TLN2: variants seen among roughly 807,000 people sequenced by gnomAD.
The protein encoded by TLN2 is talin-2.
A neutral mutation model predicts 294.7 loss-of-function variants in TLN2; 118 were observed. The observed-to-expected ratio is 0.40, with a 90% confidence interval of 0.34 to 0.47. The LOEUF is 0.47. TLN2 is among the 20% of genes least tolerant of loss of function. TLN2 has a pLI of 0.84. For missense variants in TLN2, 3,083 were observed against 3,282.2 expected (o/e 0.94, Z 1.48); for synonymous variants, 1,431 against 1,304.5 (o/e 1.10, Z -2.09).
rs148822186 is a variant in TLN2 at position 62,486,729 on chromosome 15, A to G, written c.-238+96044A>G. 4.0e-4 allele frequency among the ~76,000 whole-genome samples: 60 copies of G among 151,056 alleles called. No individual in the cohort carries two copies. In the East Asian group the frequency reaches 9.6e-3, roughly 24 times the overall value. On this transcript the variant is annotated intron_variant, in intron 1 of 58. Coordinates refer to ENST00000636159, the MANE Select transcript of TLN2 (RefSeq NM_015059.3). ...GTGTTGAATTTGCATAACATAATCT[A>G]TCTGTTGTACAGGAGTTGAGCATTT...
At chr15:62,741,276 T>G (rs1267997670) in intron 32 of TLN2, among the ~76,000 whole-genome samples, 1 of 152,150 alleles carries the variant, frequency 6.6e-6, no homozygotes, top group Non-Finnish European at 1.5e-5. Context: ...TTAAGATGAG[T>G]AGGGAGGCAG....
At chr15:62,655,489 T>C (rs2053099819) in intron 7 of TLN2, among the ~76,000 whole-genome samples, 1 of 152,186 alleles carries the variant, frequency 6.6e-6, no homozygotes, top group African/African-American at 2.4e-5. Flanking sequence ...GGTAACTTAC[T>C]ATGCTCATAG....
chr15:62,791,277 C>T (rs937153828), intron 45 of TLN2, among the ~76,000 whole-genome samples: 1 of 152,106 alleles, frequency 6.6e-6, no homozygotes, highest in Non-Finnish European at 1.5e-5. Context: ...ATGCTTGGAC[C>T]TGGGAGGCGG....
chr15:62,813,217 G>A (rs1171610033), intron 52 of TLN2, among the ~76,000 whole-genome samples: 2 of 152,134 alleles, frequency 1.3e-5, no homozygotes, highest in Non-Finnish European at 2.9e-5. Flanking sequence ...TGTATTTTTT[G>A]TAGAATCAGT....
At chr15:62,546,641 G>C (rs2042009152) in intron 1 of TLN2, among the ~76,000 whole-genome samples, 1 of 152,182 alleles carries the variant, frequency 6.6e-6, no homozygotes, top group Non-Finnish European at 1.5e-5. Context: ...AAGCCAATGA[G>C]AGTGTGAGTA....
At chr15:62,811,421 A>G (rs1394615125) in intron 52 of TLN2, among the ~76,000 whole-genome samples, 1 of 152,236 alleles carries the variant, frequency 6.6e-6, no homozygotes, top group South Asian at 2.1e-4. Flanking sequence ...CTAGCAGGAA[A>G]TGGAGGTTAA....
At chr15:62,447,894 A>G (rs1402018675) in intron 1 of TLN2, among the ~76,000 whole-genome samples, 2 of 152,158 alleles carry the variant, frequency 1.3e-5, no homozygotes, top group African/African-American at 2.4e-5. Context: ...TTACAAGCCA[A>G]TTCGTAGGCT....
intron 55 of TLN2, 133 bp from the exon 56 acceptor site, chr15:62,835,604 C>A: frequency 4.3e-6 from 4 of 928,970 alleles, no homozygotes; most frequent in South Asian, 1.4e-5. Context: ...TTGCTCCATT[C>A]TCAGGCCTGT....
intron 1 of TLN2, among the ~76,000 whole-genome samples, chr15:62,549,464 C>CTGCCATGCA (rs2042169529): frequency 7.3e-6 from 1 of 136,240 alleles, no homozygotes; most frequent in South Asian, 2.3e-4. Context: ...ACTCAGAGGC[C>CTGCCATGCA]TGCCATGCAT....
In TLN2 at chr15:62,716,327, G is replaced by GC; in HGVS notation, c.2635-3dup. On this transcript the variant is annotated splice_polypyrimidine_tract_variant and splice_region_variant and intron_variant, in intron 22 of 58. Transcript: ENST00000636159. Reference sequence around the variant, plus strand: ...ACTTGAAATCTTTATTTTTGCCTTTGCAGGGGGCTGCAGCCAACCCAGAGA... The same window carrying GC: ...ACTTGAAATCTTTATTTTTGCCTTTGCCAGGGGGCTGCAGCCAACCCAGAGA... The GC allele has an allele frequency of 6.3e-7, 1 of 1,590,388 alleles. No homozygotes were observed. Among genetic ancestry groups the GC allele is most frequent in the Non-Finnish European group, 8.5e-7 (1 of 1,171,754 alleles).
chr15:62,741,767 G>GTGTGTGTGTGTGTGTGTGTGTA lies in TLN2; in HGVS notation c.4025+999_4025+1000insGTGTGTGTGTGTGTGTGTGTAT, dbSNP rs1353440110. 5.1e-3 allele frequency among the ~76,000 whole-genome samples: 774 copies of GTGTGTGTGTGTGTGTGTGTGTA among 151,644 alleles called. 7 individuals carry two copies. The highest frequency in any genetic ancestry group is 0.018 in the African/African-American group (753 of 41,222). On this transcript the variant is annotated intron_variant, in intron 32 of 58. Transcript: ENST00000636159. ...TTTGCGCGTGTGTGTGTGTGTGTGT[G>GTGTGTGTGTGTGTGTGTGTGTA]TCTTTATGTCTCCCCTGGGAGATCA...
chr15:62,693,331 C>CA (rs936130189), intron 13 of TLN2, among the ~76,000 whole-genome samples: 66 of 149,678 alleles, frequency 4.4e-4, no homozygotes, highest in East Asian at 2.5e-3. Context: ...GATTCCATCT[C>CA]AAAAAAAAAC....
intron 35 of TLN2, among the ~76,000 whole-genome samples, chr15:62,753,045 T>A (rs2062022618): frequency 6.6e-6 from 1 of 152,232 alleles, no homozygotes; most frequent in Non-Finnish European, 1.5e-5. Context: ...ACCTTTATCC[T>A]TCCCCTCAGA....
intron 1 of TLN2, among the ~76,000 whole-genome samples, chr15:62,427,238 G>A (rs1439783835): frequency 6.6e-6 from 1 of 152,124 alleles, no homozygotes; most frequent in Non-Finnish European, 1.5e-5. Context: ...AGGATTTATG[G>A]GTCTGAAGAG....
chr15:62,646,387 C>T (rs1399503997), intron 3 of TLN2, among the ~76,000 whole-genome samples: 1 of 152,132 alleles, frequency 6.6e-6, no homozygotes, highest in East Asian at 1.9e-4. Context: ...GTCTCGAACT[C>T]CTGAGTTCAA....
At chr15:62,553,193 A>T (rs933739370) in intron 1 of TLN2, among the ~76,000 whole-genome samples, 1 of 152,220 alleles carries the variant, frequency 6.6e-6, no homozygotes, top group Non-Finnish European at 1.5e-5. Flanking sequence ...TGCATTTTTC[A>T]TATTATTTAA....
chr15:62,557,806 G>C (rs1026359597), intron 1 of TLN2, among the ~76,000 whole-genome samples: 3 of 152,214 alleles, frequency 2.0e-5, no homozygotes, highest in Non-Finnish European at 4.4e-5. Flanking sequence ...CTCCCAAAGT[G>C]TTGGGATTAC....
At chr15:62,562,106 G>A (rs887245176) in intron 1 of TLN2, among the ~76,000 whole-genome samples, 1 of 152,076 alleles carries the variant, frequency 6.6e-6, no homozygotes, top group Non-Finnish European at 1.5e-5. Context: ...CACCCGAATC[G>A]TTTGGAGATA....
At chr15:62,827,707 A>C (rs74988920) in intron 54 of TLN2, 2 of 152,230 alleles carry the variant, frequency 1.3e-5, no homozygotes, top group African/African-American at 4.8e-5. Flanking sequence ...AATTATGGAT[A>C]CATAACAGGG....
Sources: gnomAD v4.1 joint callset for allele counts (sites outside exome capture counted in the v4.1 genomes callset) on GRCh38, gnomAD v4.1.1 for gene constraint, MANE v1.5 for transcripts, NCBI Gene and HGNC (gene_info 2026-07-23, HGNC 2026-07-21) for gene names.